The following RPS6KC1 variants were observed in gnomAD, a reference collection of about 807,000 sequenced individuals.
RPS6KC1 encodes inactive ribosomal protein S6 kinase delta-1.
Under a neutral mutation model 103.8 loss-of-function variants are expected in RPS6KC1, and 54 were observed. The ratio of observed to expected loss-of-function variants is 0.52; its 90% CI spans 0.42 to 0.65. The LOEUF is 0.65. Ranked by LOEUF, RPS6KC1 falls within the 30% of genes least tolerant of loss-of-function variation. The pLI is 0.00. For synonymous variants in RPS6KC1, 439 were observed against 438.7 expected (o/e 1.00, Z -0.01); for missense variants, 1,151 against 1,253.8 (o/e 0.92, Z 1.24).
chr1:213,303,976 CA>C, the RPS6KC1 span, among the ~76,000 whole-genome samples: 15 of 151,638 alleles, frequency 9.9e-5, no homozygotes, highest in African/African-American at 3.6e-4. Context: ...GAGGCCGAGG[CA>C]GGCGGATCAC....
At chr1:213,485,598 T>G in the RPS6KC1 span, among the ~76,000 whole-genome samples, 1,370 of 152,244 alleles carry the variant, frequency 9.0e-3, 22 homozygotes, top group African/African-American at 0.031. Context: ...CTCAAGTATT[T>G]GTTGAAAGAA....
the RPS6KC1 span, among the ~76,000 whole-genome samples, chr1:213,496,720 T>C: frequency 4.6e-5 from 7 of 151,846 alleles, no homozygotes; most frequent in Admixed American, 4.6e-4. Context: ...ATCACACCAC[T>C]GCACTCCAGC....
At chr1:213,088,028 A>G (rs1046327897) in intron 3 of RPS6KC1, among the ~76,000 whole-genome samples, 1 of 152,114 alleles carries the variant, frequency 6.6e-6, no homozygotes, top group African/African-American at 2.4e-5. Context: ...CCCACTGCAG[A>G]TGGTAGGTAC....
chr1:213,059,744 C>T (rs1010123609), intron 1 of RPS6KC1, among the ~76,000 whole-genome samples: 5 of 151,954 alleles, frequency 3.3e-5, no homozygotes, highest in South Asian at 2.1e-4. Context: ...GTGATCTTGG[C>T]TCACTGCAAC....
the RPS6KC1 span, among the ~76,000 whole-genome samples, chr1:213,633,912 A>AAAAAAAAAAAAAAAAAAAAAC: frequency 8.9e-6 from 1 of 112,578 alleles, no homozygotes; most frequent in Non-Finnish European, 1.8e-5. Context: ...AAAAAAAAAA[A>AAAAAAAAAAAAAAAAAAAAAC]AGCAGGGGTT....
chr1:213,598,210 T>C, the RPS6KC1 span, among the ~76,000 whole-genome samples: 1 of 152,222 alleles, frequency 6.6e-6, no homozygotes, highest in African/African-American at 2.4e-5. Context: ...TTTCTAGAAG[T>C]GGTAAGAGAA....
At chr1:213,795,887 C>T in the RPS6KC1 span, among the ~76,000 whole-genome samples, 3 of 152,156 alleles carry the variant, frequency 2.0e-5, no homozygotes, top group African/African-American at 4.8e-5. Flanking sequence ...TGCAAACCTG[C>T]TCTGTAATTC....
the RPS6KC1 span, among the ~76,000 whole-genome samples, chr1:213,325,485 G>A: frequency 0.012 from 1,859 of 152,342 alleles, 38 homozygotes; most frequent in African/African-American, 0.043. Flanking sequence ...AGCCCCAGCA[G>A]GCAGTAGGGT....
chr1:213,657,492 A>T, the RPS6KC1 span, among the ~76,000 whole-genome samples: 1 of 152,190 alleles, frequency 6.6e-6, no homozygotes, highest in Admixed American at 6.5e-5. Flanking sequence ...TTCTCAGAAG[A>T]TGGGGGACAA....
intron 2 of RPS6KC1, among the ~76,000 whole-genome samples, chr1:213,072,501 T>A (rs920279613): frequency 4.0e-5 from 6 of 151,384 alleles, no homozygotes; most frequent in African/African-American, 1.5e-4. Flanking sequence ...TGAGCTGAGA[T>A]TGCACCACTG....
At chr1:213,445,434 C>T in the RPS6KC1 span, among the ~76,000 whole-genome samples, 1 of 152,214 alleles carries the variant, frequency 6.6e-6, no homozygotes, top group South Asian at 2.1e-4. Flanking sequence ...CATTCCAAAT[C>T]TACCCAATAC....
the RPS6KC1 span, among the ~76,000 whole-genome samples, chr1:213,417,598 G>A: frequency 2.6e-4 from 39 of 152,176 alleles, no homozygotes; most frequent in African/African-American, 9.2e-4. Context: ...GGAGGTGGTG[G>A]GAACTGCAGT....
At chr1:213,091,261 C>T (rs1305400087) in intron 3 of RPS6KC1, among the ~76,000 whole-genome samples, 1 of 151,996 alleles carries the variant, frequency 6.6e-6, no homozygotes, top group East Asian at 1.9e-4. Flanking sequence ...GGAGTTTCAC[C>T]ATGTTAGCCA....
the RPS6KC1 span, among the ~76,000 whole-genome samples, chr1:213,601,133 G>A: frequency 2.0e-5 from 3 of 152,076 alleles, no homozygotes; most frequent in Admixed American, 2.0e-4. Context: ...AAAACAGGTT[G>A]ATTTTCTCTT....
the RPS6KC1 span, among the ~76,000 whole-genome samples, chr1:213,407,791 T>A: frequency 6.6e-6 from 1 of 152,222 alleles, no homozygotes; most frequent in African/African-American, 2.4e-5. Flanking sequence ...TCCTGTGGGC[T>A]GCATGGAAGA....
chr1:213,083,352 A>ATTTGCCCTGCTGGAT (rs2080078943), intron 3 of RPS6KC1, among the ~76,000 whole-genome samples: 2 of 152,170 alleles, frequency 1.3e-5, no homozygotes, highest in South Asian at 4.1e-4. Flanking sequence ...AACTTCCAAC[A>ATTTGCCCTGCTGGAT]TTTGCCCTGC....
chr1:213,295,199 A>T, the RPS6KC1 span, among the ~76,000 whole-genome samples: 1 of 152,188 alleles, frequency 6.6e-6, no homozygotes, highest in Admixed American at 6.5e-5. Context: ...CAGGAATCCA[A>T]TGGGATGATT....
intron 5 of RPS6KC1, among the ~76,000 whole-genome samples, chr1:213,124,703 G>C (rs1204538435): frequency 1.3e-5 from 2 of 152,100 alleles, no homozygotes; most frequent in African/African-American, 4.8e-5. Flanking sequence ...TCTTCCTCGA[G>C]CTGGCCGGAG....
the RPS6KC1 span, among the ~76,000 whole-genome samples, chr1:213,642,163 G>A: frequency 6.6e-6 from 1 of 152,072 alleles, no homozygotes; most frequent in South Asian, 2.1e-4. Flanking sequence ...GCTGAGTTAG[G>A]CCAGGTGGAC....
Sources: allele counts gnomAD v4.1 joint callset (sites outside exome capture counted in the v4.1 genomes callset), GRCh38; gene constraint gnomAD v4.1.1; transcripts MANE v1.5; gene names NCBI Gene and HGNC (gene_info 2026-07-23, HGNC 2026-07-21).